The following NFKBIZ variants were observed in gnomAD, a reference collection of about 807,000 sequenced individuals.
NFKBIZ encodes NF-kappa-B inhibitor zeta.
NFKBIZ carries 19 observed loss-of-function variants against 76.8 expected under a neutral mutation model. That is an observed-to-expected ratio of 0.25 (90% CI 0.17 to 0.36). The LOEUF is 0.36. Ranked by LOEUF, NFKBIZ falls within the 10% of genes least tolerant of loss-of-function variation. NFKBIZ has a pLI of 1.00. For synonymous variants in NFKBIZ, 368 were observed against 354.8 expected (o/e 1.04, Z -0.42); for missense variants, 829 against 910.9 (o/e 0.91, Z 1.16).
chr3:101,849,789 TCTTGGGCCC>T lies in NFKBIZ; in HGVS notation c.164_172del (p.Leu55_Pro57del). On this transcript the variant is annotated inframe_deletion, in exon 1 of 12. Transcript: ENST00000326172. ...GGCGCCTGCGACGCCAGCTGCTCGG[TCTTGGGCCC>T]CTCGGCGCCCGGCTCGCCCGGCTCC... The T allele has an allele frequency of 6.8e-7, 1 of 1,470,520 alleles. No homozygotes were observed. The highest frequency in any genetic ancestry group is 8.9e-7 in the Non-Finnish European group (1 of 1,118,440). The allele number at this position is 1,470,520 out of a possible 1,614,324, so 91.1% of individuals were successfully genotyped here. A position where few individuals can be genotyped will look rare whatever the true frequency, so the allele number is the denominator to read the frequency against.
upstream of NFKBIZ, among the ~76,000 whole-genome samples, chr3:101,847,151 G>A (rs1942863443): frequency 6.6e-6 from 1 of 152,222 alleles, no homozygotes; most frequent in Non-Finnish European, 1.5e-5. Context: ...GCAAATATCT[G>A]CCAGAAACAC....
chr3:101,853,251 C>A lies in NFKBIZ; in HGVS notation c.725C>A (p.Pro242His), dbSNP rs753424301. The A allele has an allele frequency of 6.2e-7, 1 of 1,614,044 alleles. No individual in the cohort carries two copies. Among genetic ancestry groups the A allele is most frequent in the African/African-American group, 1.3e-5 (1 of 74,914 alleles). The change falls in exon 5 of 12, where the codon CCC becomes CAC. Residue 242 changes from proline (P) to histidine (H), a missense_variant. By Grantham distance (77) the Pro-to-His change is moderately conservative. This residue lies in a region of NFKBIZ where 371 missense variants were observed against 332.3 expected (regional missense o/e 1.12). Coordinates refer to ENST00000326172, the MANE Select transcript of NFKBIZ (RefSeq NM_031419.4). Reference sequence around the variant, plus strand: ...ACAGTTCAAGTTAGCTGGCTGAACCCCGTGGTGGTCCCTCAGAGCTCCCCC... The same window carrying A: ...ACAGTTCAAGTTAGCTGGCTGAACCACGTGGTGGTCCCTCAGAGCTCCCCC... ...LNTVQVSWLN[P>H]VVVPQSSPAE...
chr3:101,850,027 C>T (rs1025453412), intron 1 of NFKBIZ, 110 bp downstream of exon 1: 292 of 1,063,568 alleles, frequency 2.7e-4, no homozygotes, highest in Admixed American at 3.4e-4. Flanking sequence ...AGAGCTAGGA[C>T]GTACGCACCT....
chr3:101,857,723 G>A, intron 11 of NFKBIZ: 2 of 985,394 alleles, frequency 2.0e-6, no homozygotes, highest in East Asian at 1.1e-4. Context: ...GTTAGAGTAA[G>A]TCAGAATGGT....
In NFKBIZ at chr3:101,849,647, C is replaced by G. The variant is rs745695363; in HGVS notation, c.19C>G (p.Leu7Val). The G allele has an allele frequency of 2.1e-6, 3 of 1,397,498 alleles. No homozygotes were observed. Among genetic ancestry groups the G allele is most frequent in the Non-Finnish European group, 2.8e-6 (3 of 1,085,554 alleles). The allele number at this position is 1,397,498 out of a possible 1,614,324, so 86.6% of individuals were successfully genotyped here. A position where few individuals can be genotyped will look rare whatever the true frequency, so the allele number is the denominator to read the frequency against. Reference sequence around the variant, plus strand: ...TGGGAGCATGATTGTGGACAAGCTGCTGGACGACAGCCGCGGCGGAGAGGG... The same window carrying G: ...TGGGAGCATGATTGTGGACAAGCTGGTGGACGACAGCCGCGGCGGAGAGGG... MIVDKL[L>V]DDSRGGEGLR... Residue 7 changes from leucine (L) to valine (V), a missense_variant, in exon 1 of 12, where the codon CTG (leucine) becomes GTG (valine). By Grantham distance (32) the Leu-to-Val change is conservative. Coordinates refer to ENST00000326172, the MANE Select transcript of NFKBIZ (RefSeq NM_031419.4).
At chr3:101,834,751 C>T (rs1942693326) in intron 2 of NFKBIZ, among the ~76,000 whole-genome samples, 1 of 152,248 alleles carries the variant, frequency 6.6e-6, no homozygotes, top group African/African-American at 2.4e-5. Flanking sequence ...CCCAGGAGCA[C>T]CACTTCAGTT....
chr3:101,833,250 C>T (rs1942672573), intron 2 of NFKBIZ, among the ~76,000 whole-genome samples: 1 of 152,128 alleles, frequency 6.6e-6, no homozygotes, highest in African/African-American at 2.4e-5. Flanking sequence ...GCCAGAGCTA[C>T]AAAGGTGATC....
chr3:101,850,036 C>A, intron 1 of NFKBIZ, 119 bp downstream of exon 1: 1 of 1,010,946 alleles, frequency 9.9e-7, no homozygotes, highest in African/African-American at 1.7e-5. Flanking sequence ...ACGTACGCAC[C>A]TTAGCCATCA....
chr3:101,857,120 A>G lies in NFKBIZ; in HGVS notation c.1872A>G (p.Ala624=). The G allele has an allele frequency of 6.2e-7, 1 of 1,613,846 alleles. No individual in the cohort carries two copies. Among genetic ancestry groups the G allele is most frequent in the Admixed American group, 1.7e-5 (1 of 59,996 alleles). The change falls in exon 10 of 12, where the codon GCA becomes GCG. Residue 624 remains alanine, a synonymous_variant. Coordinates refer to ENST00000326172, the MANE Select transcript of NFKBIZ (RefSeq NM_031419.4). ...RTALHLAAEE[A]NLELIRLFLE... is the part of the protein sequence containing the mutation. ...CCCTGCATTTGGCAGCTGAAGAAGC[A>G]AATCTGGAACTCATTCGCCTCTTTT... is the stretch of plus-strand genomic sequence containing the variant.
intron 2 of NFKBIZ, among the ~76,000 whole-genome samples, chr3:101,830,395 C>T (rs990776099): frequency 2.0e-5 from 3 of 152,064 alleles, no homozygotes; most frequent in Non-Finnish European, 4.4e-5. Flanking sequence ...GGGTGTATTG[C>T]GTGATGTTGA....
chr3:101,851,708 T>A (rs1942968052), intron 1 of NFKBIZ, among the ~76,000 whole-genome samples: 1 of 152,234 alleles, frequency 6.6e-6, no homozygotes, highest in Non-Finnish European at 1.5e-5. Context: ...AGAGTCAGGA[T>A]GGCAAAATCT....
chr3:101,829,996 T>C (rs1168616241), intron 2 of NFKBIZ, among the ~76,000 whole-genome samples: 2 of 152,218 alleles, frequency 1.3e-5, no homozygotes, highest in African/African-American at 2.4e-5. Flanking sequence ...AATTCAGCTC[T>C]CTGCTTACTG....
At chr3:101,844,116 G>A (rs1281640134) in intron 2 of NFKBIZ, among the ~76,000 whole-genome samples, 1 of 152,148 alleles carries the variant, frequency 6.6e-6, no homozygotes, top group Admixed American at 6.5e-5. Flanking sequence ...GGTGTTCCAT[G>A]AAAAACAGAG....
chr3:101,851,569 TA>T (rs1334887891), intron 1 of NFKBIZ, among the ~76,000 whole-genome samples: 1 of 152,240 alleles, frequency 6.6e-6, no homozygotes, highest in Non-Finnish European at 1.5e-5. Context: ...CCTTCTTAGG[TA>T]AGCGGAATTG....
intron 11 of NFKBIZ, chr3:101,858,090 T>C (rs531717489): frequency 2.8e-5 from 27 of 957,690 alleles, no homozygotes; most frequent in Admixed American, 1.8e-4. Flanking sequence ...CAAGAACTTA[T>C]TCTTTCAAGA....
In NFKBIZ at chr3:101,853,453, A is replaced by C. The variant is rs752189133; in HGVS notation, c.927A>C (p.Glu309Asp). Residue 309 changes from glutamate (E) to aspartate (D), a missense_variant, in exon 5 of 12, where the codon GAA becomes GAC. By Grantham distance (45) the Glu-to-Asp change is conservative. Around this residue, in one of 4 missense-constraint regions of NFKBIZ, gnomAD observed 371 missense variants for 332.3 expected, o/e 1.12. Transcript: ENST00000326172. ...QPHYTHKPTL[E>D]YSPFPIPPQS... ...ACTACACCCACAAACCAACTCTGGAATACAGTCCTTTTCCCATACCTCCCC... is the reference window on the plus strand; with the variant it reads ...ACTACACCCACAAACCAACTCTGGACTACAGTCCTTTTCCCATACCTCCCC... The C allele has an allele frequency of 1.2e-6, 2 of 1,614,194 alleles. No homozygotes were observed. Among genetic ancestry groups the C allele is most frequent in the Non-Finnish European group, 8.5e-7 (1 of 1,180,036 alleles).
chr3:101,835,340 T>G (rs1942704898), intron 2 of NFKBIZ, among the ~76,000 whole-genome samples: 1 of 152,190 alleles, frequency 6.6e-6, no homozygotes, highest in Non-Finnish European at 1.5e-5. Flanking sequence ...AGAATTAGTG[T>G]GCTATTTTAG....
In NFKBIZ at chr3:101,852,129, C is replaced by G; in HGVS notation, c.334C>G (p.Gln112Glu). The G allele has an allele frequency of 5.6e-6, 9 of 1,614,230 alleles. No homozygotes were observed. Among genetic ancestry groups the G allele is most frequent in the South Asian group, 1.1e-5 (1 of 91,088 alleles). ...TGGCAGGCAGCAGAGAGGCCCCTTT[C>G]AAGGTGTTCGGGTAAAGAACTCAGT... ...GVGRQQRGPF[Q>E]GVRVKNSVKE... The change falls in exon 2 of 12, where the codon CAA becomes GAA. Residue 112 changes from glutamine (Q) to glutamate (E), a missense_variant. Physicochemically the swap from Gln to Glu is conservative, Grantham distance 29 (BLOSUM62 2). Transcript: ENST00000326172.
Position 101,853,861 on chromosome 3 carries a change from C to T in NFKBIZ, c.1335C>T (p.Asp445=), listed in dbSNP as rs1943007570. The change falls in exon 5 of 12, where the codon GAC becomes GAT. Residue 445 remains aspartate, a splice_region_variant and synonymous_variant. Coordinates refer to ENST00000326172, the MANE Select transcript of NFKBIZ (RefSeq NM_031419.4). ...DQFLSKDADG[D]TFLHIAVAQG... ...TTCTTTCAAAGGATGCAGATGGTGA[C>T]ACGTGAGTATTCTTTTATCTCATGT... 3 of 1,611,122 alleles carry T rather than the reference C, an allele frequency of 1.9e-6. No individual in the cohort carries two copies. Among genetic ancestry groups the T allele is most frequent in the South Asian group, 2.2e-5 (2 of 90,874 alleles).
Sources: allele counts gnomAD v4.1 joint callset (sites outside exome capture counted in the v4.1 genomes callset), GRCh38; gene constraint gnomAD v4.1.1; regional missense constraint gnomAD v4.1.1; transcripts MANE v1.5; gene names NCBI Gene and HGNC (gene_info 2026-07-23, HGNC 2026-07-21).